ZCCHC17: variants seen among roughly 807,000 people sequenced by gnomAD.
The protein encoded by ZCCHC17 is zinc finger CCHC domain-containing protein 17.
Under a neutral mutation model 30.6 loss-of-function variants are expected in ZCCHC17, and 18 were observed. The observed-to-expected ratio is 0.59, with a 90% confidence interval of 0.41 to 0.87. ZCCHC17 has a LOEUF of 0.87. Among genes scored for constraint, ZCCHC17 ranks in the 40% least tolerant of loss-of-function variants. ZCCHC17 has a pLI of 0.00. For synonymous variants in ZCCHC17, 88 were observed against 92.4 expected (o/e 0.95, Z 0.27); for missense variants, 263 against 284.2 (o/e 0.93, Z 0.54).
intron 7 of ZCCHC17, among the ~76,000 whole-genome samples, chr1:31,357,899 G>T (rs1318394250): frequency 6.6e-6 from 1 of 152,170 alleles, no homozygotes; most frequent in Non-Finnish European, 1.5e-5. Flanking sequence ...GGGATTACAG[G>T]CATGCACCAC....
chr1:31,355,146 G>T (rs1484821228), intron 7 of ZCCHC17, among the ~76,000 whole-genome samples: 1 of 148,432 alleles, frequency 6.7e-6, no homozygotes, highest in Admixed American at 6.8e-5. Context: ...CTGCACTCCA[G>T]CCTGGGCGAC....
chr1:31,334,159 G>A (rs1320191864), intron 3 of ZCCHC17, among the ~76,000 whole-genome samples: 1 of 152,162 alleles, frequency 6.6e-6, no homozygotes, highest in African/African-American at 2.4e-5. Flanking sequence ...GTTTAGATAG[G>A]TAGGCTATCA....
At chr1:31,302,623 C>G (rs573638910) in intron 1 of ZCCHC17, among the ~76,000 whole-genome samples, 110 of 152,256 alleles carry the variant, frequency 7.2e-4, no homozygotes, top group African/African-American at 2.3e-3. Context: ...AAAGAACTCC[C>G]TGAGACTGGG....
chr1:31,324,934 G>A (rs965412120), intron 3 of ZCCHC17, among the ~76,000 whole-genome samples: 3 of 152,236 alleles, frequency 2.0e-5, no homozygotes, highest in Non-Finnish European at 4.4e-5. Flanking sequence ...TCCAGGTGGA[G>A]TCTGTGGCCC....
chr1:31,359,431 A>G (rs1037923802), intron 7 of ZCCHC17, among the ~76,000 whole-genome samples: 1 of 152,084 alleles, frequency 6.6e-6, no homozygotes, highest in African/African-American at 2.4e-5. Context: ...CAAGCGATTC[A>G]AGGAGAATTG....
chr1:31,310,021 G>A (rs1646559726), intron 1 of ZCCHC17, 23 bp from the exon 2 acceptor site: 3 of 1,366,052 alleles, frequency 2.2e-6, no homozygotes, highest in Non-Finnish European at 3.1e-6. Context: ...CTCTCTAATT[G>A]GTGTCTGATT....
At chr1:31,363,462 C>T (rs1269441541) in intron 7 of ZCCHC17, among the ~76,000 whole-genome samples, 1 of 152,162 alleles carries the variant, frequency 6.6e-6, no homozygotes, top group African/African-American at 2.4e-5. Context: ...GGATTACAGG[C>T]GTGAGCCACC....
At chr1:31,343,979 C>T (rs562444182) in intron 5 of ZCCHC17, among the ~76,000 whole-genome samples, 257 of 151,342 alleles carry the variant, frequency 1.7e-3, no homozygotes, top group Non-Finnish European at 2.6e-3. Flanking sequence ...CTCAGCCTCC[C>T]GAGTAGCTGG....
chr1:31,325,382 G>A (rs1223167868), intron 3 of ZCCHC17, among the ~76,000 whole-genome samples: 1 of 152,248 alleles, frequency 6.6e-6, no homozygotes, highest in Non-Finnish European at 1.5e-5. Flanking sequence ...AGGGCTCCCT[G>A]AGCCAGAGCT....
At chr1:31,315,592 G>A (rs953936933) in intron 2 of ZCCHC17, among the ~76,000 whole-genome samples, 3 of 152,120 alleles carry the variant, frequency 2.0e-5, no homozygotes, top group Non-Finnish European at 4.4e-5. Context: ...AAAAGTCTGT[G>A]TTGTACTTGG....
intron 7 of ZCCHC17, among the ~76,000 whole-genome samples, chr1:31,360,176 T>C (rs1396101385): frequency 6.6e-6 from 1 of 151,828 alleles, no homozygotes; most frequent in East Asian, 1.9e-4. Flanking sequence ...TGTTTTGTTT[T>C]GTTTTGTTTT....
chr1:31,350,306 C>T (rs907010015), intron 7 of ZCCHC17, among the ~76,000 whole-genome samples: 4 of 152,096 alleles, frequency 2.6e-5, no homozygotes, highest in Non-Finnish European at 4.4e-5. Context: ...CTGATGAGGT[C>T]CTTGCCCTCA....
chr1:31,319,023 G>C, intron 2 of ZCCHC17, 86 bp from the exon 3 acceptor site: 1 of 1,455,642 alleles, frequency 6.9e-7, no homozygotes, highest in Non-Finnish European at 9.4e-7. Flanking sequence ...TCAATATGAA[G>C]TACAGATTTG....
intron 7 of ZCCHC17, among the ~76,000 whole-genome samples, chr1:31,360,189 G>A (rs1639819256): frequency 6.7e-6 from 1 of 150,094 alleles, no homozygotes; most frequent in African/African-American, 2.5e-5. Flanking sequence ...TTTGTTTTGA[G>A]ACAGAGTTTC....
At chr1:31,322,051 T>C (rs567100645) in intron 3 of ZCCHC17, among the ~76,000 whole-genome samples, 2 of 152,244 alleles carry the variant, frequency 1.3e-5, no homozygotes, top group East Asian at 1.9e-4. Context: ...TAAAATTACG[T>C]GGAACTAAAT....
At chr1:31,338,101 C>G (rs1231989006) in intron 4 of ZCCHC17, among the ~76,000 whole-genome samples, 1 of 149,232 alleles carries the variant, frequency 6.7e-6, no homozygotes, top group Non-Finnish European at 1.5e-5. Flanking sequence ...TCCTGAGTAT[C>G]TGGGACTACA....
rs199550009 is a variant in ZCCHC17, at chr1:31,300,933, C to CA, written c.-56+3871dup. Among the ~76,000 whole-genome samples, 964 of 107,938 alleles carry CA rather than the reference C, an allele frequency of 8.9e-3. 65 individuals carry two copies. In the East Asian group the frequency reaches 0.17, roughly 19 times the overall value. The allele number at this position is 107,938 out of a possible 152,430, so 70.8% of individuals were successfully genotyped here. On this transcript the variant is annotated intron_variant, in intron 1 of 7. Coordinates refer to ENST00000344147, the MANE Select transcript of ZCCHC17 (RefSeq NM_016505.4). ...GGGTGACAAGAACAAAACTCTGTCT[C>CA]AAAAAAAAAAAAAGAAAAAAAAGGG...
chr1:31,348,685 C>T, intron 6 of ZCCHC17, 144 bp from the exon 7 acceptor site: 9 of 968,622 alleles, frequency 9.3e-6, no homozygotes, highest in Non-Finnish European at 1.3e-5. Context: ...AGAAAATCTA[C>T]CCTGAATCAA....
At chr1:31,346,220 C>G (rs1639266149) in intron 5 of ZCCHC17, among the ~76,000 whole-genome samples, 1 of 152,108 alleles carries the variant, frequency 6.6e-6, no homozygotes, top group African/African-American at 2.4e-5. Context: ...AGAAAATAGA[C>G]TTCTTTGGCC....
Sources: allele counts gnomAD v4.1 joint callset (sites outside exome capture counted in the v4.1 genomes callset), GRCh38; gene constraint gnomAD v4.1.1; transcripts MANE v1.5; gene names NCBI Gene and HGNC (gene_info 2026-07-23, HGNC 2026-07-21).